Variants in MCTP2 observed in about 807,000 individuals in gnomAD.
The protein encoded by MCTP2 is multiple C2 and transmembrane domain containing 2, also known as multiple C2 and transmembrane domain-containing protein 2.
In MCTP2, 132 loss-of-function variants were observed where a neutral mutation model predicts 111.6. The observed-to-expected ratio is 1.18, with a 90% confidence interval of 1.03 to 1.37. The LOEUF (loss-of-function observed/expected upper bound fraction) is 1.37. MCTP2 is among the 40% of genes most tolerant of loss of function. MCTP2 has a pLI of 0.00. For missense variants in MCTP2, 1,183 were observed against 1,067.9 expected (o/e 1.11, Z -1.50); for synonymous variants, 395 against 387.7 (o/e 1.02, Z -0.22).
At chr15:94,424,924 G>C (rs563333960) in intron 17 of MCTP2, among the ~76,000 whole-genome samples, 160 of 151,676 alleles carry the variant, frequency 1.1e-3, no homozygotes, top group African/African-American at 3.6e-3. Context: ...ATTTAATCTA[G>C]ATACACATTC....
intron 20 of MCTP2, among the ~76,000 whole-genome samples, chr15:94,462,658 G>A (rs2085287050): frequency 6.6e-6 from 1 of 152,120 alleles, no homozygotes; most frequent in Non-Finnish European, 1.5e-5. Flanking sequence ...ATTTTTTAAA[G>A]CGCCTACTAC....
intron 4 of MCTP2, among the ~76,000 whole-genome samples, chr15:94,319,833 C>A (rs2076545548): frequency 6.6e-6 from 1 of 152,200 alleles, no homozygotes; most frequent in African/African-American, 2.4e-5. Flanking sequence ...TGCTAAAGTA[C>A]TAACTATAAC....
At chr15:94,243,703 A>G (rs1215213801) in intron 1 of MCTP2, among the ~76,000 whole-genome samples, 2 of 127,296 alleles carry the variant, frequency 1.6e-5, no homozygotes, top group Non-Finnish European at 3.3e-5. Context: ...ATATGCGTAT[A>G]TACACATATA....
chr15:94,245,601 G>T (rs4984376), intron 1 of MCTP2, among the ~76,000 whole-genome samples: 10 of 141,142 alleles, frequency 7.1e-5, no homozygotes, highest in African/African-American at 1.6e-4. Flanking sequence ...TACGTATATA[G>T]ACATATACAT....
intron 17 of MCTP2, among the ~76,000 whole-genome samples, chr15:94,403,731 C>G (rs911065817): frequency 2.0e-5 from 3 of 152,180 alleles, no homozygotes; most frequent in African/African-American, 7.2e-5. Context: ...AGGGATTCCT[C>G]ACTGCTGAGC....
At chr15:94,472,567 C>T (rs1398740321) in intron 21 of MCTP2, among the ~76,000 whole-genome samples, 1 of 152,192 alleles carries the variant, frequency 6.6e-6, no homozygotes, top group East Asian at 1.9e-4. Context: ...CTATTTTCCA[C>T]TTTATGGATA....
intron 18 of MCTP2, among the ~76,000 whole-genome samples, chr15:94,442,529 G>C (rs1212647070): frequency 6.6e-6 from 1 of 152,210 alleles, no homozygotes; most frequent in African/African-American, 2.4e-5. Flanking sequence ...CCCAAAGGGA[G>C]AGAGCAGTCA....
intron 1 of MCTP2, among the ~76,000 whole-genome samples, chr15:94,295,915 CAAAAA>C (rs35051806): frequency 6.9e-6 from 1 of 144,012 alleles, no homozygotes; most frequent in Non-Finnish European, 1.5e-5. Flanking sequence ...GACCCTGACT[CAAAAA>C]AAAAAAAAAT....
At chr15:94,405,979 T>C (rs2081877563) in intron 17 of MCTP2, among the ~76,000 whole-genome samples, 1 of 152,206 alleles carries the variant, frequency 6.6e-6, no homozygotes, top group African/African-American at 2.4e-5. Flanking sequence ...TGAGGCCAAA[T>C]AGAACTGAAA....
chr15:94,450,053 G>A (rs1372520274), intron 19 of MCTP2, among the ~76,000 whole-genome samples: 1 of 151,758 alleles, frequency 6.6e-6, no homozygotes, highest in Non-Finnish European at 1.5e-5. Context: ...AGCTGACTGT[G>A]TATTCCTTTT....
chr15:94,443,083 G>A, intron 19 of MCTP2, 123 bp downstream of exon 19: 2 of 590,368 alleles, frequency 3.4e-6, no homozygotes, highest in Non-Finnish European at 5.5e-6. Context: ...AGAGTTACCA[G>A]TATAGTAATA....
intron 2 of MCTP2, among the ~76,000 whole-genome samples, chr15:94,306,547 AGTT>A (rs748261392): frequency 6.6e-5 from 10 of 152,224 alleles, no homozygotes; most frequent in Non-Finnish European, 1.0e-4. Context: ...AGATAAAAAA[AGTT>A]GATCACAAAA....
intron 14 of MCTP2, among the ~76,000 whole-genome samples, chr15:94,386,642 CT>C (rs113898425): frequency 4.7e-4 from 71 of 151,516 alleles, no homozygotes; most frequent in African/African-American, 1.4e-3. Flanking sequence ...ATTTCCCCCC[CT>C]TTTTTTTTCA....
intron 19 of MCTP2, among the ~76,000 whole-genome samples, chr15:94,450,438 A>G (rs182357502): frequency 3.0e-4 from 45 of 152,372 alleles, no homozygotes; most frequent in African/African-American, 1.1e-3. Flanking sequence ...CTCCTGGTGC[A>G]TTGCTGGGAT....
chr15:94,406,892 T>C (rs1018804884), intron 17 of MCTP2, among the ~76,000 whole-genome samples: 1 of 151,430 alleles, frequency 6.6e-6, no homozygotes, highest in African/African-American at 2.4e-5. Flanking sequence ...TTCCAAGTTG[T>C]TCAGAAAAGG....
At chr15:94,366,690 T>C (rs190724374) in intron 10 of MCTP2, among the ~76,000 whole-genome samples, 3 of 152,272 alleles carry the variant, frequency 2.0e-5, no homozygotes, top group Non-Finnish European at 2.9e-5. Flanking sequence ...TCTATAATTA[T>C]GGAGGGTAAA....
chr15:94,261,462 G>A (rs1490622831), intron 1 of MCTP2, among the ~76,000 whole-genome samples: 1 of 152,162 alleles, frequency 6.6e-6, no homozygotes, highest in Non-Finnish European at 1.5e-5. Context: ...CGGTGGCCAG[G>A]CAGGCTGTAA....
At chr15:94,464,484 A>G (rs1303407266) in intron 20 of MCTP2, among the ~76,000 whole-genome samples, 1 of 143,678 alleles carries the variant, frequency 7.0e-6, no homozygotes, top group Non-Finnish European at 1.5e-5. Context: ...GGATTTATCA[A>G]TTATATTAGT....
intron 17 of MCTP2, among the ~76,000 whole-genome samples, chr15:94,430,043 C>T (rs2083089814): frequency 6.6e-6 from 1 of 152,162 alleles, no homozygotes; most frequent in African/African-American, 2.4e-5. Flanking sequence ...TCACTAATTC[C>T]ACTGCCATCA....
Sources: allele counts gnomAD v4.1 joint callset (sites outside exome capture counted in the v4.1 genomes callset), GRCh38; gene constraint gnomAD v4.1.1; transcripts MANE v1.5; gene names NCBI Gene and HGNC (gene_info 2026-07-23, HGNC 2026-07-21).